The following CHST5 variants were observed in gnomAD, a reference collection of about 807,000 sequenced individuals.
CHST5 encodes carbohydrate sulfotransferase 5.
For synonymous variants in CHST5, 313 were observed against 279.2 expected, an observed-to-expected ratio of 1.12 and a Z score of -1.21; for missense variants, 637 against 602.1, an observed-to-expected ratio of 1.06 and a Z score of -0.61.
chr16:75,534,780 T>C (rs1023055645), intron 2 of CHST5, among the ~76,000 whole-genome samples: 12 of 152,218 alleles, frequency 7.9e-5, no homozygotes, highest in African/African-American at 2.7e-4. Context: ...CTGAGTCTGG[T>C]TGCAAATTAA....
At position 75,529,139 on chromosome 16, in the gene CHST5, C is replaced by A; in HGVS notation, c.*10G>T. On this transcript the variant is annotated 3_prime_UTR_variant, in exon 4 of 4. Transcript: ENST00000336257. ...CCACAGTTCGGGGCCTGCTCTAAGG[C>A]CCAGAGTTCTCAGTCAGGCGATGCC... 1 of 1,559,842 alleles carries A rather than the reference C, an allele frequency of 6.4e-7. No homozygotes were observed. The highest frequency in any genetic ancestry group is 8.7e-7 in the Non-Finnish European group (1 of 1,151,132).
In CHST5 at chr16:75,529,044, T is replaced by C. The variant is rs1318800845; in HGVS notation, c.*105A>G. On this transcript the variant is annotated 3_prime_UTR_variant, in exon 4 of 4. Transcript: ENST00000336257. ...GGGAGGACCCCAAACTCCCGGTTGA[T>C]AGTAGGGACCTGCTTCCCCATGCGC... The C allele has an allele frequency of 6.3e-6, 8 of 1,261,600 alleles. No individual in the cohort carries two copies. The highest frequency in any genetic ancestry group is 6.0e-5 in the African/African-American group (4 of 66,568). 78.2% of individuals were successfully genotyped at this position (1,261,600 alleles called of 1,614,324 possible).
intron 2 of CHST5, among the ~76,000 whole-genome samples, chr16:75,534,386 C>G (rs1011531894): frequency 6.6e-6 from 1 of 152,054 alleles, no homozygotes; most frequent in Non-Finnish European, 1.5e-5. Context: ...ATGGCTCACG[C>G]CTGTGATCCC....
At chr16:75,531,765 G>A (rs1467799904) in intron 3 of CHST5, 125 bp from the exon 4 acceptor site, 4 of 561,560 alleles carry the variant, frequency 7.1e-6, no homozygotes, top group Non-Finnish European at 8.9e-6. Context: ...CTCGTAGAGA[G>A]ACCCTTTTGG....
rs555226959 is a variant in CHST5, at chr16:75,530,544, A to T, written c.-160T>A. 2.5e-3 allele frequency: 3,533 copies of T among 1,436,424 alleles called. 3 individuals are homozygous for T. The highest frequency in any genetic ancestry group is 3.0e-3 in the Non-Finnish European group (3,313 of 1,093,274). The allele number at this position is 1,436,424 out of a possible 1,614,324, so 89.0% of individuals were successfully genotyped here. A position where few individuals can be genotyped will look rare whatever the true frequency, so the allele number is the denominator to read the frequency against. On this transcript the variant is annotated 5_prime_UTR_variant, in exon 4 of 4. Coordinates refer to ENST00000336257, the MANE Select transcript of CHST5 (RefSeq NM_024533.5). ...AGAATATAGTCTGTGCTCACAGCAG[A>T]AGTCCAGTTGCAGAATAATGTGGGA...
In CHST5 at chr16:75,530,625, A is replaced by C; in HGVS notation, c.-241T>G. On this transcript the variant is annotated 5_prime_UTR_variant, in exon 4 of 4. Transcript: ENST00000336257. ...CCACCTACTTACATACCTACAGGCT[A>C]TCTATCTGTAGAGAGAAATACTATG... is the stretch of plus-strand genomic sequence containing the variant. 7.2e-7 allele frequency: 1 copy of C among 1,394,480 alleles called. No individual in the cohort carries two copies. Among genetic ancestry groups the C allele is most frequent in the African/African-American group, 1.4e-5 (1 of 68,980 alleles). The allele number at this position is 1,394,480 out of a possible 1,614,324, so 86.4% of individuals were successfully genotyped here. A position where few individuals can be genotyped will look rare whatever the true frequency, so the allele number is the denominator to read the frequency against.
chr16:75,530,627 C>G lies in CHST5; in HGVS notation c.-243G>C. ...ACCTACTTACATACCTACAGGCTAT[C>G]TATCTGTAGAGAGAAATACTATGTT... On this transcript the variant is annotated 5_prime_UTR_variant, in exon 4 of 4. Coordinates refer to ENST00000336257, the MANE Select transcript of CHST5 (RefSeq NM_024533.5). 7.2e-7 allele frequency: 1 copy of G among 1,390,140 alleles called. No homozygotes were observed. Among genetic ancestry groups the G allele is most frequent in the South Asian group, 1.8e-5 (1 of 54,342 alleles). 86.1% of individuals were successfully genotyped at this position (1,390,140 alleles called of 1,614,324 possible).
In CHST5 at chr16:75,529,009, C is replaced by A. The variant is rs1180534137; in HGVS notation, c.*140G>T. 11 of 863,372 alleles carry A rather than the reference C, an allele frequency of 1.3e-5. No homozygotes were observed. The highest frequency in any genetic ancestry group is 1.9e-5 in the Non-Finnish European group (11 of 579,556). 53.5% of individuals were successfully genotyped at this position (863,372 alleles called of 1,614,324 possible). A position where few individuals can be genotyped will look rare whatever the true frequency, so the allele number is the denominator to read the frequency against. ...GAGAGAAAGAAACGTGCAGTCCTTG[C>A]CTACTTCAGGGGAGGACCCCAAACT... On this transcript the variant is annotated 3_prime_UTR_variant, in exon 4 of 4. Transcript: ENST00000336257.
rs1481005352 is a variant in CHST5 at position 75,530,341 on chromosome 16, C to T, written c.44G>A (p.Arg15Gln). Residue 15 changes from arginine to glutamine, a missense_variant, in exon 4 of 4, where the codon CGA (arginine) becomes CAA (glutamine). By Grantham distance (43) the Arg-to-Gln change is conservative. Coordinates refer to ENST00000336257, the MANE Select transcript of CHST5 (RefSeq NM_024533.5). ...ARVPKVAHST[R>Q]RPPAARMWLP... is the part of the protein sequence containing the mutation. ...CCACATGCGGGCGGCTGGGGGCCTT[C>T]GGGTGGAGTGGGCAACTTTAGGGAC... The T allele has an allele frequency of 3.2e-6, 5 of 1,586,612 alleles. No individual in the cohort carries two copies. Among genetic ancestry groups the T allele is most frequent in the Admixed American group, 1.8e-5 (1 of 55,284 alleles).
rs758968064 is a variant in CHST5 at position 75,529,290 on chromosome 16, C to T, written c.1095G>A (p.Leu365=). The part of the protein sequence containing the change: ...WRHALPFTKI[L]RVQEVCAGAL... Reference sequence around the variant, plus strand: ...CGCCGGCGCACACCTCCTGCACGCGCAGGATCTTAGTGAAGGGCAACGCGT... The same window carrying T: ...CGCCGGCGCACACCTCCTGCACGCGTAGGATCTTAGTGAAGGGCAACGCGT... The change falls in exon 4 of 4, where the codon CTG becomes CTA. Residue 365 remains leucine (L), a synonymous_variant. Coordinates refer to ENST00000336257, the MANE Select transcript of CHST5 (RefSeq NM_024533.5). 19 of 1,613,080 alleles carry T rather than the reference C, an allele frequency of 1.2e-5. No individual in the cohort carries two copies. The highest frequency in any genetic ancestry group is 1.6e-5 in the Non-Finnish European group (19 of 1,179,928).
In CHST5 at chr16:75,530,304, G is replaced by A; in HGVS notation, c.81C>T (p.Phe27=). ...GGAGCACTGTCACTGTCTTGCTGGA[G>A]AACCGTGGCAGCCACATGCGGGCGG... ...PPAARMWLPR[F]SSKTVTVLLL... The change falls in exon 4 of 4, where the codon TTC becomes TTT. Residue 27 remains phenylalanine (F), a synonymous_variant. Coordinates refer to ENST00000336257, the MANE Select transcript of CHST5 (RefSeq NM_024533.5). 13 of 1,610,276 alleles carry A rather than the reference G, an allele frequency of 8.1e-6. No homozygotes were observed. The highest frequency in any genetic ancestry group is 1.0e-5 in the Non-Finnish European group (12 of 1,178,712).
intron 3 of CHST5, 89 bp from the exon 4 acceptor site, chr16:75,531,729 C>G: frequency 1.1e-6 from 1 of 940,400 alleles, no homozygotes; most frequent in African/African-American, 1.7e-5. Flanking sequence ...ACAGAGCTGT[C>G]CTGCCTGCCT....
chr16:75,532,665 C>A (rs1249457135), intron 3 of CHST5, among the ~76,000 whole-genome samples: 1 of 152,140 alleles, frequency 6.6e-6, no homozygotes, highest in Non-Finnish European at 1.5e-5. Flanking sequence ...GGAGAGTAGC[C>A]CCCCACCTCC....
Position 75,529,252 on chromosome 16 carries a change from A to C in CHST5, c.1133T>G (p.Leu378Arg). ...CGCAGAGTACACAGGCCGGTAGCCCAGCAGCTGCAGCGCGCCGGCGCACAC... is the reference window on the plus strand; with the variant it reads ...CGCAGAGTACACAGGCCGGTAGCCCCGCAGCTGCAGCGCGCCGGCGCACAC... ...QEVCAGALQLLGYRPVYSADQ... is the reference protein window; with the variant it reads ...QEVCAGALQLRGYRPVYSADQ... The change falls in exon 4 of 4, where the codon CTG becomes CGG. Residue 378 changes from leucine (L) to arginine (R), a missense_variant. Physicochemically the swap from Leu to Arg is moderately radical, Grantham distance 102. Transcript: ENST00000336257. 1.9e-6 allele frequency: 3 copies of C among 1,613,062 alleles called. No homozygotes were observed. The highest frequency in any genetic ancestry group is 2.5e-6 in the Non-Finnish European group (3 of 1,179,924).
rs1461524893 is a variant in CHST5 at position 75,530,842 on chromosome 16, G to A, written c.-458C>T. ...ATGAAGATCACTTAAATCTCTCTGT[G>A]ACGGATCACTTTACCCGTGTGTGAA... is the stretch of plus-strand genomic sequence containing the variant. On this transcript the variant is annotated 5_prime_UTR_variant, in exon 4 of 4. Coordinates refer to ENST00000336257, the MANE Select transcript of CHST5 (RefSeq NM_024533.5). 1.0e-6 allele frequency: 1 copy of A among 998,822 alleles called. No homozygotes were observed. The highest frequency in any genetic ancestry group is 1.1e-4 in the East Asian group (1 of 9,260). 61.9% of individuals were successfully genotyped at this position (998,822 alleles called of 1,614,324 possible). A position where few individuals can be genotyped will look rare whatever the true frequency, so the allele number is the denominator to read the frequency against.
At chr16:75,533,559 A>C (rs568273295) in intron 2 of CHST5, among the ~76,000 whole-genome samples, 1 of 152,264 alleles carries the variant, frequency 6.6e-6, no homozygotes, top group Admixed American at 6.5e-5. Context: ...CATATTTATT[A>C]CATGTTTAAT....
At chr16:75,533,595 C>T (rs1238454723) in intron 2 of CHST5, among the ~76,000 whole-genome samples, 2 of 152,066 alleles carry the variant, frequency 1.3e-5, no homozygotes, top group African/African-American at 4.8e-5. Context: ...ACAAACAGGT[C>T]ACACGAAATT....
chr16:75,530,319 C>A lies in CHST5; in HGVS notation c.66G>T (p.Met22Ile). ...HSTRRPPAAR[M>I]WLPRFSSKTV... ...TCTTGCTGGAGAACCGTGGCAGCCA[C>A]ATGCGGGCGGCTGGGGGCCTTCGGG... The change falls in exon 4 of 4, where the codon ATG becomes ATT. Residue 22 changes from methionine to isoleucine, a missense_variant. Transcript: ENST00000336257. 2 of 1,604,816 alleles carry A rather than the reference C, an allele frequency of 1.2e-6. No individual in the cohort carries two copies. Among genetic ancestry groups the A allele is most frequent in the Admixed American group, 1.7e-5 (1 of 58,464 alleles).
In CHST5 at chr16:75,530,860, T is replaced by G; in HGVS notation, c.-476A>C. The G allele has an allele frequency of 2.0e-6, 2 of 989,896 alleles. No homozygotes were observed. The highest frequency in any genetic ancestry group is 2.4e-6 in the Non-Finnish European group (2 of 819,800). 61.3% of individuals were successfully genotyped at this position (989,896 alleles called of 1,614,324 possible). A position where few individuals can be genotyped will look rare whatever the true frequency, so the allele number is the denominator to read the frequency against. On this transcript the variant is annotated 5_prime_UTR_variant, in exon 4 of 4. Coordinates refer to ENST00000336257, the MANE Select transcript of CHST5 (RefSeq NM_024533.5). ...TCTCTGTGACGGATCACTTTACCCG[T>G]GTGTGAAAGAGGGATAATTCCGGTA...
Sources: allele counts gnomAD v4.1 joint callset (sites outside exome capture counted in the v4.1 genomes callset), GRCh38; gene constraint gnomAD v4.1.1; transcripts MANE v1.5; gene names NCBI Gene and HGNC (gene_info 2026-07-23, HGNC 2026-07-21).